PHKG1: variants seen among roughly 807,000 people sequenced by gnomAD.
PHKG1 encodes phosphorylase b kinase gamma catalytic chain, skeletal muscle/heart isoform.
PHKG1 carries 48 observed loss-of-function variants against 50.5 expected under a neutral mutation model. That is an observed-to-expected ratio of 0.95 (90% confidence interval 0.75 to 1.21). The LOEUF (loss-of-function observed/expected upper bound fraction) is 1.21, where lower values mean the gene tolerates loss of function less well. PHKG1 is among the 50% of genes most tolerant of loss of function. The probability of loss-of-function intolerance (pLI) is 0.00; values close to 1 mark genes in which losing one functional copy is unlikely to be tolerated. For synonymous variants in PHKG1, 204 were observed against 212.8 expected, an observed-to-expected ratio of 0.96 and a Z score of 0.36; for missense variants, 487 against 519.5, an observed-to-expected ratio of 0.94 and a Z score of 0.61.
rs1300811735 is a variant in PHKG1, at chr7:56,081,895, G to A, written c.790C>T (p.Leu264=). The part of the protein sequence containing the change: ...WDDYSDTVKD[L]VSRFLVVQPQ... Reference sequence around the variant, plus strand: ...AGCCAGTTGGCCTGGCCTCTCACCAGGTCCTTCACGGTGTCCGAGTAATCA... The same window carrying A: ...AGCCAGTTGGCCTGGCCTCTCACCAAGTCCTTCACGGTGTCCGAGTAATCA... Residue 264 remains leucine (L), a splice_region_variant and synonymous_variant, in exon 8 of 10, where the codon CTG becomes TTG. Transcript: ENST00000297373. This position sits in a 1 kb window ranked among gnomAD's most constrained non-coding sequence, Gnocchi z 4.6. 1 of 1,613,404 alleles carries A rather than the reference G, an allele frequency of 6.2e-7. No individual in the cohort carries two copies. The highest frequency in any genetic ancestry group is 2.2e-5 in the East Asian group (1 of 44,850).
chr7:56,087,805 GGGGGCCCCTCACCCCAT>G, intron 2 of PHKG1, 29 bp from the exon 3 acceptor site: 4 of 1,590,708 alleles, frequency 2.5e-6, no homozygotes, highest in Non-Finnish European at 3.4e-6. Flanking sequence ...GATGGCCTCG[GGGGGCCCCTCACCCCAT>G]GGGGGGTCCC....
At position 56,081,210 on chromosome 7, in the gene PHKG1, G is replaced by A; in HGVS notation, c.1008C>T (p.Asp336=). 1 of 1,613,902 alleles carries A rather than the reference G, an allele frequency of 6.2e-7. No homozygotes were observed. Residue 336 remains aspartate, a synonymous_variant, in exon 10 of 10, where the codon GAC becomes GAT. Transcript: ENST00000297373. This position sits in a 1 kb window ranked among gnomAD's most constrained non-coding sequence, Gnocchi z 4.6. ...KPVTREIVIR[D]PYALRPLRRL... Reference sequence around the variant, plus strand: ...GGCGCAGAGGCCGGAGGGCATAGGGGTCTCGGATGACGATCTCCCGGGTCA... The same window carrying A: ...GGCGCAGAGGCCGGAGGGCATAGGGATCTCGGATGACGATCTCCCGGGTCA...
At chr7:56,089,277 G>A (rs1179619570) in intron 1 of PHKG1, among the ~76,000 whole-genome samples, 1 of 151,892 alleles carries the variant, frequency 6.6e-6, no homozygotes, top group Non-Finnish European at 1.5e-5. Context: ...GCACACGCTT[G>A]TAGTCTCAGC....
chr7:56,086,484 GTTTTGTTTTGT>G (rs1796257433), intron 4 of PHKG1, among the ~76,000 whole-genome samples: 1 of 151,928 alleles, frequency 6.6e-6, no homozygotes, highest in Admixed American at 6.6e-5. Context: ...GGTTTTTTTT[GTTTTGTTTTGT>G]TTTTGTTTTT....
intron 6 of PHKG1, 113 bp from the exon 7 acceptor site, chr7:56,082,366 G>A: frequency 2.7e-6 from 2 of 751,346 alleles, no homozygotes; most frequent in Non-Finnish European, 4.3e-6. Flanking sequence ...GCCGAGGCAG[G>A]TGGCTCATCT....
At chr7:56,086,893 G>A (rs1321324845) in intron 4 of PHKG1, 77 bp downstream of exon 4, 6 of 1,114,084 alleles carry the variant, frequency 5.4e-6, no homozygotes, top group Non-Finnish European at 8.3e-6. Flanking sequence ...GTGGTCTCCA[G>A]GCAGCCCTGG....
At position 56,081,844 on chromosome 7, in the gene PHKG1, C is replaced by G. The variant is rs372050246; in HGVS notation, c.792+49G>C. 6.2e-7 allele frequency: 1 copy of G among 1,609,730 alleles called. No individual in the cohort carries two copies. On this transcript the variant is annotated intron_variant, in intron 8 of 9. Transcript: ENST00000297373. This position sits in a 1 kb window ranked among gnomAD's most constrained non-coding sequence, Gnocchi z 4.6. The stretch of plus-strand genomic sequence containing the variant: ...GGCAGGGCCTCCCCGGGCAGGGGCG[C>G]CTGGCATCGCAGCCCTGAGCCCAGG...
At chr7:56,087,193 C>CA (rs1562880428) in intron 3 of PHKG1, among the ~76,000 whole-genome samples, 169 bp from the exon 4 acceptor site, 1 of 116,682 alleles carries the variant, frequency 8.6e-6, no homozygotes, top group East Asian at 2.3e-4. Context: ...GGCCCAGGGA[C>CA]TTTATTATTA....
chr7:56,082,178 C>T lies in PHKG1; in HGVS notation c.623G>A (p.Gly208Glu). The change falls in exon 7 of 10, where the codon GGG becomes GAG. Residue 208 changes from glycine (G) to glutamate (E), a missense_variant. Coordinates refer to ENST00000297373, the MANE Select transcript of PHKG1 (RefSeq NM_006213.5). ...CSMNEDHPGY[G>E]KEVDMWSTGV... ...GCGCACTCACATGTCCACCTCTTTC[C>T]CGTAGCCCGGGTGGTCCTCATTCAT... is the stretch of plus-strand genomic sequence containing the variant. 2.5e-6 allele frequency: 4 copies of T among 1,613,972 alleles called. No homozygotes were observed. The highest frequency in any genetic ancestry group is 1.1e-5 in the South Asian group (1 of 91,070).
chr7:56,085,399 A>G (rs1233152726), intron 4 of PHKG1, among the ~76,000 whole-genome samples: 1 of 152,186 alleles, frequency 6.6e-6, no homozygotes, highest in Non-Finnish European at 1.5e-5. Context: ...TGCCTGGCCC[A>G]TGATAAGTCT....
chr7:56,081,865 C>A lies in PHKG1; in HGVS notation c.792+28G>T. 1 of 1,612,454 alleles carries A rather than the reference C, an allele frequency of 6.2e-7. No individual in the cohort carries two copies. On this transcript the variant is annotated intron_variant, in intron 8 of 9. Coordinates refer to ENST00000297373, the MANE Select transcript of PHKG1 (RefSeq NM_006213.5). The surrounding 1 kb of genome is among the most constrained non-coding windows in gnomAD (Gnocchi z 4.6). ...GGCGCCTGGCATCGCAGCCCTGAGCCCAGGAGCCAGTTGGCCTGGCCTCTC... is the reference window on the plus strand; with the variant it reads ...GGCGCCTGGCATCGCAGCCCTGAGCACAGGAGCCAGTTGGCCTGGCCTCTC...
rs138812614 is a variant in PHKG1 at position 56,081,174 on chromosome 7, G to A, written c.1044C>T (p.Asp348=). 6.2e-4 allele frequency: 1,007 copies of A among 1,613,918 alleles called. 1 individual carries two copies. The highest frequency in any genetic ancestry group is 4.2e-3 in the Admixed American group (254 of 60,024). ...GGCCATAGATTCGGAAAGCGTAGGC[G>A]TCGATGAGCCGGCGCAGAGGCCGGA... The part of the protein sequence containing the change: ...YALRPLRRLI[D]AYAFRIYGHW... Residue 348 remains aspartate, a synonymous_variant, in exon 10 of 10, where the codon GAC becomes GAT. Coordinates refer to ENST00000297373, the MANE Select transcript of PHKG1 (RefSeq NM_006213.5). This position sits in a 1 kb window ranked among gnomAD's most constrained non-coding sequence, Gnocchi z 4.6.
intron 4 of PHKG1, among the ~76,000 whole-genome samples, chr7:56,086,439 G>A (rs13233834): frequency 0.018 from 2,739 of 152,222 alleles, 52 homozygotes; most frequent in Admixed American, 0.049. Context: ...TTGGGAGGCC[G>A]AGGTGGGAGA....
chr7:56,084,714 G>C (rs766925152), intron 4 of PHKG1, among the ~76,000 whole-genome samples: 1 of 152,056 alleles, frequency 6.6e-6, no homozygotes, highest in Non-Finnish European at 1.5e-5. Context: ...GGGAAGAATC[G>C]GCTGTGCAAG....
At chr7:56,086,864 C>A (rs1796273293) in intron 4 of PHKG1, 106 bp downstream of exon 4, 3 of 869,318 alleles carry the variant, frequency 3.5e-6, no homozygotes, top group Non-Finnish European at 6.0e-6. Context: ...ATTTGGCATC[C>A]TCAGCGCAGG....
chr7:56,087,549 C>G, intron 3 of PHKG1, 49 bp downstream of exon 3: 1 of 1,573,640 alleles, frequency 6.4e-7, no homozygotes, highest in Non-Finnish European at 8.7e-7. Context: ...GCTGTCAGGG[C>G]AGAATCACAG....
Position 56,081,933 on chromosome 7 carries a change from G to A in PHKG1, c.752C>T (p.Ser251Leu), listed in dbSNP as rs759747023. ...MIMSGNYQFG[S>L]PEWDDYSDTV... Reference sequence around the variant, plus strand: ...GTCCGAGTAATCATCCCACTCGGGCGAGCCAAACTGGTAGTTGCCGCTCAT... The same window carrying A: ...GTCCGAGTAATCATCCCACTCGGGCAAGCCAAACTGGTAGTTGCCGCTCAT... The change falls in exon 8 of 10, where the codon TCG (serine) becomes TTG (leucine). Residue 251 changes from serine (S) to leucine (L), a missense_variant. Coordinates refer to ENST00000297373, the MANE Select transcript of PHKG1 (RefSeq NM_006213.5). This position sits in a 1 kb window ranked among gnomAD's most constrained non-coding sequence, Gnocchi z 4.6. The A allele has an allele frequency of 9.3e-6, 15 of 1,613,668 alleles. No homozygotes were observed. The highest frequency in any genetic ancestry group is 1.3e-5 in the Non-Finnish European group (15 of 1,180,012).
chr7:56,089,576 G>T (rs889169956), intron 1 of PHKG1, among the ~76,000 whole-genome samples: 4 of 148,916 alleles, frequency 2.7e-5, no homozygotes, highest in Admixed American at 6.9e-5. Flanking sequence ...GAGTGCAGTG[G>T]CACAATCTTG....
At chr7:56,084,273 G>GGGAACCTGGGGAGGGGACT in intron 4 of PHKG1, 1 of 1,314,030 alleles carries the variant, frequency 7.6e-7, no homozygotes, top group Non-Finnish European at 1.1e-6. Flanking sequence ...GGACTGGGAT[G>GGGAACCTGGGGAGGGGACT]TATCGGGGCC....
Sources: gnomAD v4.1 joint callset for allele counts (sites outside exome capture counted in the v4.1 genomes callset) on GRCh38, gnomAD v4.1.1 for gene constraint, Gnocchi (gnomAD v3.1) non-coding constraint, MANE v1.5 for transcripts, NCBI Gene and HGNC (gene_info 2026-07-23, HGNC 2026-07-21) for gene names.